Variants in SCFD2 observed in about 807,000 individuals in gnomAD.
SCFD2 encodes sec1 family domain containing 2, also known as sec1 family domain-containing protein 2.
Under a neutral mutation model 58.9 loss-of-function variants are expected in SCFD2, and 54 were observed. The observed-to-expected ratio is 0.92, with a 90% CI of 0.74 to 1.15. The LOEUF (loss-of-function observed/expected upper bound fraction) is 1.15, where lower values mean the gene tolerates loss of function less well. SCFD2 is among the 50% of genes most tolerant of loss of function. SCFD2 has a pLI of 0.00. For missense variants in SCFD2, 805 were observed against 836.6 expected (o/e 0.96, Z 0.47); for synonymous variants, 321 against 335.9 (o/e 0.96, Z 0.49).
intron 5 of SCFD2, among the ~76,000 whole-genome samples, chr4:53,065,690 C>T (rs1255732425): frequency 6.6e-6 from 1 of 151,806 alleles, no homozygotes; most frequent in African/African-American, 2.4e-5. Context: ...TAATTTTTTT[C>T]CCATTTGGTT....
chr4:53,245,958 T>C (rs1260687887), intron 4 of SCFD2, among the ~76,000 whole-genome samples: 1 of 152,136 alleles, frequency 6.6e-6, no homozygotes, highest in Non-Finnish European at 1.5e-5. Context: ...AACTCTATAG[T>C]CGTGGCCCAC....
intron 5 of SCFD2, among the ~76,000 whole-genome samples, chr4:53,098,202 A>C (rs1314968121): frequency 1.3e-5 from 2 of 152,084 alleles, no homozygotes; most frequent in South Asian, 4.1e-4. Flanking sequence ...CTCTGCCAGG[A>C]TTTGGTATCA....
chr4:52,886,183 C>G (rs143950095), intron 7 of SCFD2, among the ~76,000 whole-genome samples: 1 of 152,222 alleles, frequency 6.6e-6, no homozygotes, highest in Non-Finnish European at 1.5e-5. Flanking sequence ...TTTGTTTACA[C>G]TGTCATGTCC....
chr4:52,934,030 G>A (rs141896868), intron 5 of SCFD2, among the ~76,000 whole-genome samples: 1 of 152,146 alleles, frequency 6.6e-6, no homozygotes, highest in African/African-American at 2.4e-5. Flanking sequence ...GGAATTTCCA[G>A]TCTTCAGAAC....
At position 53,360,239 on chromosome 4, in the gene SCFD2, T is replaced by C. The variant is rs147283942; in HGVS notation, c.838+4865A>G. Among the ~76,000 whole-genome samples the C allele has an allele frequency of 3.2e-3, 483 of 152,344 alleles. 2 individuals carry two copies. The highest frequency in any genetic ancestry group is 0.011 in the African/African-American group (458 of 41,582). On this transcript the variant is annotated intron_variant, in intron 1 of 8. Transcript: ENST00000401642. Reference sequence around the variant, plus strand: ...TGAACCAAATGAGATTTTAAGCTGATCATCTGGAAGATAATCTGGATGATT... The same window carrying C: ...TGAACCAAATGAGATTTTAAGCTGACCATCTGGAAGATAATCTGGATGATT...
intron 5 of SCFD2, among the ~76,000 whole-genome samples, chr4:53,026,875 A>G (rs1415584303): frequency 6.6e-6 from 1 of 152,258 alleles, no homozygotes; most frequent in South Asian, 2.1e-4. Flanking sequence ...GACAAATTCC[A>G]AAGTTGACAA....
intron 5 of SCFD2, among the ~76,000 whole-genome samples, chr4:52,979,898 C>T (rs568415581): frequency 2.8e-4 from 42 of 152,088 alleles, no homozygotes; most frequent in Non-Finnish European, 5.1e-4. Context: ...TCTCTTGTTC[C>T]CCAATATCTG....
At chr4:53,033,424 C>T (rs1309641554) in intron 5 of SCFD2, among the ~76,000 whole-genome samples, 1 of 151,990 alleles carries the variant, frequency 6.6e-6, no homozygotes, top group Non-Finnish European at 1.5e-5. Flanking sequence ...GAAGCAAGAG[C>T]AAACAAATTC....
chr4:53,239,958 G>A (rs976404144), intron 4 of SCFD2, among the ~76,000 whole-genome samples: 1 of 152,188 alleles, frequency 6.6e-6, no homozygotes, highest in Non-Finnish European at 1.5e-5. Context: ...TTGGGAGAAA[G>A]TTCAGTGTTG....
In SCFD2 at chr4:53,365,259, TCA is replaced by T; in HGVS notation, c.681_682del (p.Cys227Ter). The stretch of plus-strand genomic sequence containing the variant: ...ACACTCCTCCCGTACTCCTAAATGT[TCA>T]CACAGAGAACTGAGGCCTGACACTA... On this transcript the variant is annotated stop_gained and frameshift_variant, in exon 1 of 9. Transcript: ENST00000401642. LOFTEE classifies it high-confidence loss of function. This position sits in a 1 kb window ranked among gnomAD's most constrained non-coding sequence, Gnocchi z 4.3. The T allele has an allele frequency of 1.9e-6, 3 of 1,614,178 alleles. No individual in the cohort carries two copies. The highest frequency in any genetic ancestry group is 2.5e-6 in the Non-Finnish European group (3 of 1,180,028).
intron 5 of SCFD2, among the ~76,000 whole-genome samples, chr4:52,976,569 A>G (rs1049077703): frequency 6.6e-5 from 10 of 152,180 alleles, no homozygotes; most frequent in Non-Finnish European, 1.2e-4. Flanking sequence ...ACTAGGCTGG[A>G]TGAACTATAG....
intron 5 of SCFD2, among the ~76,000 whole-genome samples, chr4:53,134,147 G>A (rs1725870648): frequency 6.6e-6 from 1 of 152,142 alleles, no homozygotes; most frequent in African/African-American, 2.4e-5. Context: ...GAATCAAAGA[G>A]TGAAATGATG....
intron 2 of SCFD2, among the ~76,000 whole-genome samples, chr4:53,328,325 C>T (rs530792976): frequency 3.8e-4 from 58 of 152,154 alleles, no homozygotes; most frequent in African/African-American, 1.4e-3. Context: ...ATACAATTCT[C>T]CACCAAAAAG....
intron 4 of SCFD2, among the ~76,000 whole-genome samples, chr4:53,256,928 G>C (rs1577906031): frequency 1.5e-5 from 2 of 134,642 alleles, no homozygotes; most frequent in African/African-American, 2.7e-5. Flanking sequence ...GGGAGGGGGA[G>C]GGGGAGGGAG....
At chr4:53,183,367 C>T (rs971792386) in intron 4 of SCFD2, among the ~76,000 whole-genome samples, 20 of 152,176 alleles carry the variant, frequency 1.3e-4, no homozygotes, top group African/African-American at 4.1e-4. Flanking sequence ...ATGGATGAAG[C>T]TGGAAACCAT....
intron 4 of SCFD2, among the ~76,000 whole-genome samples, chr4:53,246,517 GA>G (rs981019490): frequency 6.6e-6 from 1 of 152,132 alleles, no homozygotes; most frequent in Non-Finnish European, 1.5e-5. Context: ...CAATGGAACA[GA>G]ATAGAGAGCC....
chr4:53,141,599 A>G (rs1247238381), intron 5 of SCFD2, among the ~76,000 whole-genome samples: 1 of 152,106 alleles, frequency 6.6e-6, no homozygotes, highest in Non-Finnish European at 1.5e-5. Context: ...CAATGCTTAC[A>G]CACAAAGTCA....
intron 3 of SCFD2, among the ~76,000 whole-genome samples, chr4:53,289,276 G>A (rs1265887508): frequency 6.6e-6 from 1 of 152,150 alleles, no homozygotes; most frequent in Non-Finnish European, 1.5e-5. Flanking sequence ...TGAGGCAGGA[G>A]AATAGCTTGA....
chr4:53,106,782 AC>A (rs1448516210), intron 5 of SCFD2, among the ~76,000 whole-genome samples: 6 of 152,304 alleles, frequency 3.9e-5, no homozygotes, highest in African/African-American at 1.4e-4. Context: ...AGAGAATGAA[AC>A]CAAGTTGGAA....
Sources: gnomAD v4.1 joint callset for allele counts (sites outside exome capture counted in the v4.1 genomes callset) on GRCh38, gnomAD v4.1.1 for gene constraint, Gnocchi (gnomAD v3.1) non-coding constraint, MANE v1.5 for transcripts, NCBI Gene and HGNC (gene_info 2026-07-23, HGNC 2026-07-21) for gene names.